FEZ1: variants seen among roughly 807,000 people sequenced by gnomAD.
FEZ1 encodes fasciculation and elongation protein zeta 1.
In FEZ1, 20 loss-of-function variants were observed where a neutral mutation model predicts 49.3. The ratio of observed to expected loss-of-function variants is 0.41; its 90% CI spans 0.29 to 0.59. FEZ1 has a LOEUF of 0.59. Ranked by LOEUF, FEZ1 falls within the 20% of genes least tolerant of loss-of-function variation. FEZ1 has a pLI of 0.36. For missense variants in FEZ1, 413 were observed against 476.0 expected, an observed-to-expected ratio of 0.87 and a Z score of 1.23; for synonymous variants, 170 against 180.9, an observed-to-expected ratio of 0.94 and a Z score of 0.48.
intron 2 of FEZ1, among the ~76,000 whole-genome samples, chr11:125,482,636 A>G (rs1046430344): frequency 3.9e-5 from 6 of 152,160 alleles, no homozygotes; most frequent in African/African-American, 1.4e-4. Context: ...AGCCCTTAAG[A>G]TAATGACCGC....
intron 2 of FEZ1, among the ~76,000 whole-genome samples, chr11:125,488,463 C>A (rs1369729910): frequency 1.3e-5 from 2 of 152,114 alleles, no homozygotes; most frequent in Non-Finnish European, 1.5e-5. Flanking sequence ...GGCAAATCAC[C>A]AGGTCAGGAG....
chr11:125,472,809 G>A (rs1203882626), intron 3 of FEZ1, among the ~76,000 whole-genome samples: 3 of 151,928 alleles, frequency 2.0e-5, no homozygotes, highest in African/African-American at 7.2e-5. Context: ...ATATAAAAAA[G>A]ATAAAATATC....
At chr11:125,491,972 G>C (rs1957387304) in intron 1 of FEZ1, among the ~76,000 whole-genome samples, 1 of 151,962 alleles carries the variant, frequency 6.6e-6, no homozygotes, top group Non-Finnish European at 1.5e-5. Flanking sequence ...GGAAGGTGTT[G>C]GTACAGAGTT....
intron 5 of FEZ1, among the ~76,000 whole-genome samples, chr11:125,459,051 G>C (rs964725650): frequency 2.0e-5 from 3 of 151,970 alleles, no homozygotes; most frequent in Non-Finnish European, 1.5e-5. Flanking sequence ...GGGCAACAGA[G>C]CAAGACTCTG....
Position 125,489,371 on chromosome 11 carries a change from C to A in FEZ1, c.311+96G>T. On this transcript the variant is annotated intron_variant, in intron 2 of 9. Transcript: ENST00000278919. The surrounding 1 kb of genome is among the most constrained non-coding windows in gnomAD (Gnocchi z 4.2). ...GGCAACACGAAAATGAAAGTAATAG[C>A]CCATAAACCTATAGACAGAAACCAG... is the stretch of plus-strand genomic sequence containing the variant. 4 of 1,509,264 alleles carry A rather than the reference C, an allele frequency of 2.7e-6. No individual in the cohort carries two copies. The South Asian group carries it at 4.2e-5, about 16-fold the overall frequency. The allele number at this position is 1,509,264 out of a possible 1,614,324, so 93.5% of individuals were successfully genotyped here.
At chr11:125,488,011 G>A (rs982072252) in intron 2 of FEZ1, among the ~76,000 whole-genome samples, 1 of 152,150 alleles carries the variant, frequency 6.6e-6, no homozygotes, top group African/African-American at 2.4e-5. Flanking sequence ...AAAAGCACAG[G>A]TGCTTCAGAC....
intron 3 of FEZ1, among the ~76,000 whole-genome samples, chr11:125,480,652 C>G (rs1565302023): frequency 6.6e-6 from 1 of 151,968 alleles, no homozygotes; most frequent in Non-Finnish European, 1.5e-5. Flanking sequence ...TTTAAACCAC[C>G]ATTATTTGAA....
At chr11:125,457,421 A>ATATAT (rs1314968863) in intron 5 of FEZ1, among the ~76,000 whole-genome samples, 2 of 40,618 alleles carry the variant, frequency 4.9e-5, no homozygotes, top group African/African-American at 1.7e-4. Flanking sequence ...AAAAAAAAAA[A>ATATAT]AAAAAAAAAT....
At chr11:125,488,138 G>C (rs1041336643) in intron 2 of FEZ1, among the ~76,000 whole-genome samples, 1 of 152,172 alleles carries the variant, frequency 6.6e-6, no homozygotes, top group Non-Finnish European at 1.5e-5. Flanking sequence ...TGCTTTCCCA[G>C]GGCTCGGTTA....
At chr11:125,474,191 ATTTTTTTT>A (rs34135138) in intron 3 of FEZ1, among the ~76,000 whole-genome samples, 2 of 128,450 alleles carry the variant, frequency 1.6e-5, no homozygotes, top group African/African-American at 6.0e-5. Flanking sequence ...TGCCAGGCTA[ATTTTTTTT>A]TTTTTTTTTT....
At position 125,489,500 on chromosome 11, in the gene FEZ1, A is replaced by T; in HGVS notation, c.278T>A (p.Ile93Asn). Residue 93 changes from isoleucine to asparagine, a missense_variant, in exon 2 of 10, where the codon ATC (isoleucine) becomes AAC (asparagine). Transcript: ENST00000278919. This position sits in a 1 kb window ranked among gnomAD's most constrained non-coding sequence, Gnocchi z 4.2. ...CTGAAGGGTCTCCTCCTCCTCTTGG[A>T]TCTGTAACTGGTTCTTCACGGGAGC... ...NLAPVKNQLQ[I>N]QEEEETLQDE... is the part of the protein sequence containing the mutation. The T allele has an allele frequency of 6.2e-7, 1 of 1,613,946 alleles. No individual in the cohort carries two copies. The highest frequency in any genetic ancestry group is 8.5e-7 in the Non-Finnish European group (1 of 1,179,960).
At chr11:125,493,310 G>A (rs1295061299) in intron 1 of FEZ1, among the ~76,000 whole-genome samples, 1 of 144,870 alleles carries the variant, frequency 6.9e-6, no homozygotes, top group Non-Finnish European at 1.5e-5. Flanking sequence ...CTCCAGCCTG[G>A]GCAACAAGAG....
At chr11:125,469,385 A>G (rs1957163676) in intron 3 of FEZ1, among the ~76,000 whole-genome samples, 2 of 152,150 alleles carry the variant, frequency 1.3e-5, no homozygotes, top group African/African-American at 2.4e-5. Context: ...CAGCCTCCTG[A>G]GTAGTTGGGA....
At chr11:125,480,840 C>T (rs907230950) in intron 3 of FEZ1, among the ~76,000 whole-genome samples, 2 of 152,056 alleles carry the variant, frequency 1.3e-5, no homozygotes, top group Non-Finnish European at 2.9e-5. Context: ...GAGATCAAGA[C>T]CATCCTGGCT....
chr11:125,447,049 C>A (rs1352649203), intron 9 of FEZ1, among the ~76,000 whole-genome samples: 2 of 151,868 alleles, frequency 1.3e-5, no homozygotes, highest in Non-Finnish European at 2.9e-5. Context: ...GCATGCAGGA[C>A]AAAAAACAAT....
chr11:125,460,744 G>T, intron 4 of FEZ1, 78 bp from the exon 5 acceptor site: 1 of 1,256,096 alleles, frequency 8.0e-7, no homozygotes, highest in Non-Finnish European at 1.1e-6. Context: ...GATCAGTTAA[G>T]GATGTTCCTA....
At chr11:125,466,279 G>A (rs1051877006) in intron 3 of FEZ1, among the ~76,000 whole-genome samples, 1 of 152,038 alleles carries the variant, frequency 6.6e-6, no homozygotes, top group Non-Finnish European at 1.5e-5. Flanking sequence ...CCAGGAGTTC[G>A]AGACCAACCT....
At chr11:125,464,633 C>T (rs1291880231) in intron 3 of FEZ1, among the ~76,000 whole-genome samples, 3 of 152,196 alleles carry the variant, frequency 2.0e-5, no homozygotes, top group African/African-American at 7.2e-5. Flanking sequence ...AAACTTCTCC[C>T]GTCTTCTGTG....
intron 3 of FEZ1, among the ~76,000 whole-genome samples, chr11:125,463,949 A>T (rs1313469552): frequency 6.6e-6 from 1 of 152,164 alleles, no homozygotes; most frequent in Admixed American, 6.5e-5. Context: ...AGGTGCCCTG[A>T]TTTTGTTAAG....
Sources: allele counts gnomAD v4.1 joint callset (sites outside exome capture counted in the v4.1 genomes callset), GRCh38; gene constraint gnomAD v4.1.1; non-coding constraint Gnocchi (gnomAD v3.1); transcripts MANE v1.5; gene names NCBI Gene and HGNC (gene_info 2026-07-23, HGNC 2026-07-21).